CASP4: variants seen among roughly 807,000 people sequenced by gnomAD.
The protein encoded by CASP4 is caspase-4.
In CASP4, 29 loss-of-function variants were observed where a neutral mutation model predicts 41.3. The ratio of observed to expected loss-of-function variants is 0.70; its 90% CI spans 0.52 to 0.96. CASP4 has a LOEUF of 0.96. CASP4 is among the 40% of genes least tolerant of loss of function. The pLI, the probability that CASP4 is intolerant of heterozygous loss-of-function variation, is 0.00. For synonymous variants in CASP4, 185 were observed against 158.4 expected, an observed-to-expected ratio of 1.17 and a Z score of -1.26; for missense variants, 447 against 460.6, an observed-to-expected ratio of 0.97 and a Z score of 0.27.
At chr11:104,951,658 A>G in intron 3 of CASP4, 1 of 545,952 alleles carries the variant, frequency 1.8e-6, no homozygotes, top group East Asian at 3.2e-5. Flanking sequence ...AAGAATAAAT[A>G]CAGGAGCAAT....
Position 104,949,574 on chromosome 11 carries a change from G to A in CASP4, c.750C>T (p.Pro250=), listed in dbSNP as rs374502870. ...TGCAGGCCTGGACAATGATGACCTTGGGTTTGTCCTTCAGACTGAGGCAGT... is the reference window on the plus strand; with the variant it reads ...TGCAGGCCTGGACAATGATGACCTTAGGTTTGTCCTTCAGACTGAGGCAGT... ...NRNCLSLKDK[P]KVIIVQACRG... is the part of the protein sequence containing the mutation. The change falls in exon 5 of 9, where the codon CCC becomes CCT. Residue 250 remains proline, a synonymous_variant. Transcript: ENST00000444739. 10 of 1,613,852 alleles carry A rather than the reference G, an allele frequency of 6.2e-6. No homozygotes were observed. Among genetic ancestry groups the A allele is most frequent in the Non-Finnish European group, 8.5e-6 (10 of 1,179,820 alleles).
In CASP4 at chr11:104,951,887, G is replaced by A. The variant is rs756083550; in HGVS notation, c.372+9C>T. ...CTTTTTTTTCTATTTCATATAGATA[G>A]CATAGCACCTCTTCAGCTCTTTCTT... is the stretch of plus-strand genomic sequence containing the variant. On this transcript the variant is annotated intron_variant, in intron 3 of 8. Transcript: ENST00000444739. The A allele has an allele frequency of 4.6e-6, 7 of 1,530,758 alleles. No homozygotes were observed. The highest frequency in any genetic ancestry group is 1.4e-5 in the African/African-American group (1 of 73,262). 94.8% of individuals were successfully genotyped at this position (1,530,758 alleles called of 1,614,324 possible).
chr11:104,954,275 A>C (rs910996915), intron 2 of CASP4, among the ~76,000 whole-genome samples: 1 of 152,164 alleles, frequency 6.6e-6, no homozygotes, highest in African/African-American at 2.4e-5. Flanking sequence ...AGTTCAGAGG[A>C]GAGAGTTCCG....
intron 1 of CASP4, among the ~76,000 whole-genome samples, chr11:104,966,381 T>G (rs2134662769): frequency 1.3e-5 from 2 of 152,340 alleles, no homozygotes; most frequent in South Asian, 4.1e-4. Context: ...GGGTACCACT[T>G]TGGCAGCATG....
chr11:104,946,176 G>A (rs1244064973), intron 7 of CASP4, among the ~76,000 whole-genome samples: 3 of 152,068 alleles, frequency 2.0e-5, no homozygotes, highest in African/African-American at 7.2e-5. Flanking sequence ...AACGCCAGAG[G>A]TGTATCTTTC....
chr11:104,947,088 G>C lies in CASP4; in HGVS notation c.1030C>G (p.Arg344Gly). 6.3e-7 allele frequency: 1 copy of C among 1,594,998 alleles called. No homozygotes were observed. The highest frequency in any genetic ancestry group is 1.1e-5 in the South Asian group (1 of 90,572). The change falls in exon 7 of 9, where the codon CGG (arginine) becomes GGG (glycine). Residue 344 changes from arginine (R) to glycine (G), a missense_variant. Transcript: ENST00000444739. ...SWCCHLEEVF[R>G]KVQQSFETPR... ...ACTAGAAAAGAGACACTTACCTTCC[G>C]AAATACTTCCTCTAGGTGGCAGCAC... is the stretch of plus-strand genomic sequence containing the variant.
chr11:104,960,714 C>T (rs1006540128), intron 1 of CASP4, among the ~76,000 whole-genome samples: 5 of 152,152 alleles, frequency 3.3e-5, no homozygotes, highest in African/African-American at 1.2e-4. Context: ...AGGTGATCCA[C>T]CCATCTTGGT....
intron 1 of CASP4, among the ~76,000 whole-genome samples, chr11:104,963,800 T>G (rs1308390087): frequency 1.3e-5 from 2 of 152,182 alleles, no homozygotes; most frequent in Non-Finnish European, 2.9e-5. Flanking sequence ...CAGTAGTATT[T>G]CCTTCCTTTT....
chr11:104,947,439 G>T, intron 6 of CASP4: 1 of 260,026 alleles, frequency 3.8e-6, no homozygotes, highest in Non-Finnish European at 7.2e-6. Context: ...AAGAAATTTT[G>T]ATTCTTGGGA....
rs757653461 is a variant in CASP4 at position 104,949,724 on chromosome 11, A to G, written c.600T>C (p.Ser200=). The change falls in exon 5 of 9, where the codon TCT becomes TCC. Residue 200 remains serine (S), a synonymous_variant. Coordinates refer to ENST00000444739, the MANE Select transcript of CASP4 (RefSeq NM_001225.4). Reference sequence around the variant, plus strand: ...ACATGAGTACCAAGAATGTGCTGTCAGAGGACTTGTGCTCTGGTCTGGTAG... The same window carrying G: ...ACATGAGTACCAAGAATGTGCTGTCGGAGGACTTGTGCTCTGGTCTGGTAG... ...AFATRPEHKS[S]DSTFLVLMSH... is the part of the protein sequence containing the mutation. 3.7e-6 allele frequency: 6 copies of G among 1,613,972 alleles called. No individual in the cohort carries two copies. The South Asian group carries it at 6.6e-5, about 18-fold the overall frequency.
chr11:104,945,826 T>C (rs1416021827), intron 7 of CASP4, among the ~76,000 whole-genome samples: 3 of 151,932 alleles, frequency 2.0e-5, no homozygotes, highest in African/African-American at 4.8e-5. Context: ...TCCTCCTCCT[T>C]CTTCTTATTT....
At chr11:104,967,693 G>A (rs998812204) in intron 1 of CASP4, among the ~76,000 whole-genome samples, 3 of 152,204 alleles carry the variant, frequency 2.0e-5, no homozygotes, top group African/African-American at 7.2e-5. Flanking sequence ...GCTATTCGCG[G>A]TGAGGAAGGG....
rs776683355 is a variant in CASP4 at position 104,950,896 on chromosome 11, T to C, written c.546+29A>G. On this transcript the variant is annotated intron_variant, in intron 4 of 8. Coordinates refer to ENST00000444739, the MANE Select transcript of CASP4 (RefSeq NM_001225.4). ...TAGAAGGATGTGTCTTGAATATGTA[T>C]GTGTTTGTGGCGGCTGAGGGATTCT... The C allele has an allele frequency of 5.0e-6, 8 of 1,603,364 alleles. No homozygotes were observed. In the African/African-American group the frequency reaches 9.4e-5, roughly 19 times the overall value.
chr11:104,958,960 C>CAAAAAAAAAAAAAAAAAAAAAAAAAAAA (rs56678254), intron 1 of CASP4, among the ~76,000 whole-genome samples: 1 of 62,466 alleles, frequency 1.6e-5, no homozygotes, highest in Non-Finnish European at 2.9e-5. Context: ...GACTCTGTCT[C>CAAAAAAAAAAAAAAAAAAAAAAAAAAAA]AAAAAAAAAA....
Position 104,951,107 on chromosome 11 carries a change from T to A in CASP4, c.373-9A>T. ...TCCTTTATTGGATAGATCTGCAGGA[T>A]ATGGAGATGCAATAAATTTAATTTA... On this transcript the variant is annotated splice_polypyrimidine_tract_variant and intron_variant, in intron 3 of 8. Coordinates refer to ENST00000444739, the MANE Select transcript of CASP4 (RefSeq NM_001225.4). 1 of 1,606,374 alleles carries A rather than the reference T, an allele frequency of 6.2e-7. No homozygotes were observed.
At chr11:104,965,602 A>G (rs1860955724) in intron 1 of CASP4, among the ~76,000 whole-genome samples, 1 of 152,220 alleles carries the variant, frequency 6.6e-6, no homozygotes, top group Non-Finnish European at 1.5e-5. Context: ...ATTCCTGGGC[A>G]TAGGCCGAAC....
chr11:104,955,193 A>G lies in CASP4; in HGVS notation c.8-192T>C, dbSNP rs1007115937. ...TTGTTTAACAATTTATTGCCACTAA[A>G]TACTTTTTATTTTCTTTTTTGTTCT... On this transcript the variant is annotated intron_variant, in intron 1 of 8. Coordinates refer to ENST00000444739, the MANE Select transcript of CASP4 (RefSeq NM_001225.4). Among the ~76,000 whole-genome samples the G allele has an allele frequency of 3.3e-5, 5 of 152,048 alleles. No individual in the cohort carries two copies. The South Asian group carries it at 8.3e-4, about 25-fold the overall frequency.
At chr11:104,958,934 C>A (rs1860797576) in intron 1 of CASP4, among the ~76,000 whole-genome samples, 1 of 121,732 alleles carries the variant, frequency 8.2e-6, no homozygotes. Flanking sequence ...GCCCTCCAGC[C>A]TAGGCAACAG....
intron 1 of CASP4, among the ~76,000 whole-genome samples, chr11:104,956,321 T>G (rs1053437151): frequency 2.0e-5 from 3 of 152,082 alleles, no homozygotes. Flanking sequence ...CAAATCTTGT[T>G]TTTTTCACCA....
Sources: gnomAD v4.1 joint callset for allele counts (sites outside exome capture counted in the v4.1 genomes callset) on GRCh38, gnomAD v4.1.1 for gene constraint, MANE v1.5 for transcripts, NCBI Gene and HGNC (gene_info 2026-07-23, HGNC 2026-07-21) for gene names.